USP33: variants seen among roughly 807,000 people sequenced by gnomAD.
The protein encoded by USP33 is ubiquitin carboxyl-terminal hydrolase 33.
In USP33, 46 loss-of-function variants were observed where a neutral mutation model predicts 124.2. The observed-to-expected ratio is 0.37, with a 90% CI of 0.29 to 0.47. The LOEUF (loss-of-function observed/expected upper bound fraction) is 0.47, where lower values mean the gene tolerates loss of function less well. Ranked by LOEUF, USP33 falls within the 20% of genes least tolerant of loss-of-function variation. USP33 has a pLI of 0.99. For synonymous variants in USP33, 350 were observed against 352.3 expected (o/e 0.99, Z 0.07); for missense variants, 851 against 1,070.6 (o/e 0.79, Z 2.86).
chr1:77,720,497 G>C, intron 15 of USP33: 2 of 985,378 alleles, frequency 2.0e-6, no homozygotes, highest in Non-Finnish European at 2.4e-6. Context: ...GTCATGTCAT[G>C]ATCAGTTGCA....
At chr1:77,710,816 C>T (rs1298218657) in intron 21 of USP33, among the ~76,000 whole-genome samples, 1 of 152,134 alleles carries the variant, frequency 6.6e-6, no homozygotes, top group Non-Finnish European at 1.5e-5. Context: ...TATGAATAAA[C>T]GTGTCTCTCA....
At position 77,723,452 on chromosome 1, in the gene USP33, G is replaced by A; in HGVS notation, c.1277-9C>T. 2 of 1,558,186 alleles carry A rather than the reference G, an allele frequency of 1.3e-6. No individual in the cohort carries two copies. The highest frequency in any genetic ancestry group is 1.7e-6 in the Non-Finnish European group (2 of 1,147,836). On this transcript the variant is annotated splice_polypyrimidine_tract_variant and intron_variant, in intron 11 of 23. Transcript: ENST00000370794. Reference sequence around the variant, plus strand: ...TGGAGATGCAGACTGAGCTAGGATTGAAAAACATTAAAAAAAAATCAAAGC... The same window carrying A: ...TGGAGATGCAGACTGAGCTAGGATTAAAAAACATTAAAAAAAAATCAAAGC...
intron 7 of USP33, among the ~76,000 whole-genome samples, chr1:77,733,765 C>G (rs1389448440): frequency 6.6e-6 from 1 of 152,090 alleles, no homozygotes; most frequent in Non-Finnish European, 1.5e-5. Flanking sequence ...CTTCTGATTC[C>G]CAGCATTTCA....
At chr1:77,715,939 T>A in intron 17 of USP33, 71 bp from the exon 18 acceptor site, 1 of 1,483,730 alleles carries the variant, frequency 6.7e-7, no homozygotes, top group Non-Finnish European at 9.1e-7. Flanking sequence ...AAACTTTTTA[T>A]ATTTCCAGTG....
chr1:77,704,612 A>T (rs1276231281), intron 21 of USP33, among the ~76,000 whole-genome samples: 1 of 152,228 alleles, frequency 6.6e-6, no homozygotes, highest in East Asian at 1.9e-4. Flanking sequence ...TAAAAAATAC[A>T]TAATAGAAAA....
chr1:77,706,189 G>C (rs762225483), intron 21 of USP33, among the ~76,000 whole-genome samples: 4 of 152,138 alleles, frequency 2.6e-5, no homozygotes, highest in Non-Finnish European at 5.9e-5. Context: ...GGATTGCTGG[G>C]TCATGTACTA....
intron 1 of USP33, among the ~76,000 whole-genome samples, chr1:77,746,129 C>G (rs934829706): frequency 1.3e-5 from 2 of 151,206 alleles, no homozygotes; most frequent in South Asian, 2.1e-4. Flanking sequence ...ATTGATAGAC[C>G]GCTAGCAAGA....
In USP33 at chr1:77,718,054, A is replaced by T; in HGVS notation, c.1738-7T>A. On this transcript the variant is annotated splice_polypyrimidine_tract_variant and splice_region_variant and intron_variant, in intron 16 of 23. Transcript: ENST00000370794. ...TAAGGTGGATGCACAAAATCTAAAA[A>T]AGAATAAAATTCAAAACTAATTTGT... 1 of 1,583,262 alleles carries T rather than the reference A, an allele frequency of 6.3e-7. No homozygotes were observed. The highest frequency in any genetic ancestry group is 8.6e-7 in the Non-Finnish European group (1 of 1,165,758).
chr1:77,728,894 T>C (rs1486417846), intron 9 of USP33, among the ~76,000 whole-genome samples, 182 bp from the exon 10 acceptor site: 1 of 152,134 alleles, frequency 6.6e-6, no homozygotes, highest in African/African-American at 2.4e-5. Context: ...CAAAAAGTTA[T>C]GTAAATAAAA....
At chr1:77,740,575 C>T (rs534387609) in intron 4 of USP33, among the ~76,000 whole-genome samples, 177 of 152,236 alleles carry the variant, frequency 1.2e-3, no homozygotes, top group Middle Eastern at 3.4e-3. Context: ...AGGCTGGTCT[C>T]GAACTCCTGA....
chr1:77,702,378 TTTATGTACACA>T lies in USP33; in HGVS notation c.2407-918_2407-908del, dbSNP rs149751850. 3.5e-4 allele frequency among the ~76,000 whole-genome samples: 54 copies of T among 152,242 alleles called. No individual in the cohort carries two copies. In the East Asian group the frequency reaches 9.4e-3, roughly 27 times the overall value. ...TTTATTAAAAATCTAATGTGTAAAC[TTTATGTACACA>T]TACTATATCCACAGTCTATACTTTT... On this transcript the variant is annotated intron_variant, in intron 21 of 23. Coordinates refer to ENST00000370794, the MANE Select transcript of USP33 (RefSeq NM_201624.3).
At chr1:77,719,717 G>A (rs1007774914) in intron 15 of USP33, among the ~76,000 whole-genome samples, 1 of 151,930 alleles carries the variant, frequency 6.6e-6, no homozygotes, top group Non-Finnish European at 1.5e-5. Flanking sequence ...GCTGGGTGTG[G>A]TGGCGGGCAC....
At position 77,741,444 on chromosome 1, in the gene USP33, T is replaced by G; in HGVS notation, c.82-15A>C. ...TGACAAGTACCCTATAAAAAGAAAT[T>G]AAAAAGACAACATTGGTTATATTGA... On this transcript the variant is annotated splice_polypyrimidine_tract_variant and intron_variant, in intron 2 of 23. Transcript: ENST00000370794. 6.2e-7 allele frequency: 1 copy of G among 1,600,112 alleles called. No individual in the cohort carries two copies. Among genetic ancestry groups the G allele is most frequent in the Non-Finnish European group, 8.5e-7 (1 of 1,176,206 alleles).
At chr1:77,719,832 C>T (rs943736451) in intron 15 of USP33, among the ~76,000 whole-genome samples, 4 of 136,064 alleles carry the variant, frequency 2.9e-5, no homozygotes, top group Non-Finnish European at 6.1e-5. Flanking sequence ...CCAGCCTGGG[C>T]GACAGAGCAA....
At position 77,722,061 on chromosome 1, in the gene USP33, G is replaced by C; in HGVS notation, c.1525C>G (p.Gln509Glu). ...AGSCGEAYAP[Q>E]GWIAFFMEYV... is the part of the protein sequence containing the mutation. The stretch of plus-strand genomic sequence containing the variant: ...TCCATGAAAAAAGCTATCCACCCTT[G>C]TGGAGCATATGCTTCGCCACATGAT... Residue 509 changes from glutamine to glutamate, a missense_variant, in exon 13 of 24, where the codon CAA (glutamine) becomes GAA (glutamate). Physicochemically the swap from Gln to Glu is conservative, Grantham distance 29. Transcript: ENST00000370794. 6.2e-7 allele frequency: 1 copy of C among 1,614,002 alleles called. No individual in the cohort carries two copies. The highest frequency in any genetic ancestry group is 8.5e-7 in the Non-Finnish European group (1 of 1,179,926).
At chr1:77,759,375 C>T in intron 1 of USP33, 1 of 386,410 alleles carries the variant, frequency 2.6e-6, no homozygotes. Flanking sequence ...AGGGAAGAAC[C>T]CCTGAGGACC....
intron 10 of USP33, among the ~76,000 whole-genome samples, chr1:77,727,627 T>C (rs1165084518): frequency 1.3e-5 from 2 of 152,212 alleles, no homozygotes; most frequent in Non-Finnish European, 2.9e-5. Context: ...TCTTCAGTAA[T>C]TACAGAAAAT....
chr1:77,720,222 A>T, intron 15 of USP33: 4 of 615,552 alleles, frequency 6.5e-6, no homozygotes, highest in Non-Finnish European at 8.1e-6. Flanking sequence ...GGAAAAAAAG[A>T]TAAAGGATGG....
At chr1:77,700,801 A>G (rs891968678) in intron 22 of USP33, among the ~76,000 whole-genome samples, 2 of 151,578 alleles carry the variant, frequency 1.3e-5, no homozygotes, top group Non-Finnish European at 2.9e-5. Flanking sequence ...CGTGGATTCA[A>G]GCAATTCTCC....
Sources: gnomAD v4.1 joint callset for allele counts (sites outside exome capture counted in the v4.1 genomes callset) on GRCh38, gnomAD v4.1.1 for gene constraint, MANE v1.5 for transcripts, NCBI Gene and HGNC (gene_info 2026-07-23, HGNC 2026-07-21) for gene names.